The following FYB1 variants were observed in gnomAD, a reference collection of about 807,000 sequenced individuals.
FYB1 encodes FYN binding protein 1, also known as FYN-binding protein 1.
In FYB1, 41 loss-of-function variants were observed where a neutral mutation model predicts 94.1. The observed-to-expected ratio is 0.44, with a 90% CI of 0.34 to 0.57. FYB1 has a LOEUF of 0.57. Among genes scored for constraint, FYB1 ranks in the 20% least tolerant of loss-of-function variants. FYB1 has a pLI of 0.02. For missense variants in FYB1, 1,050 were observed against 976.8 expected (o/e 1.07, Z -1.00); for synonymous variants, 367 against 353.2 (o/e 1.04, Z -0.44).
chr5:39,127,527 T>C (rs1330842909), intron 11 of FYB1, among the ~76,000 whole-genome samples: 2 of 151,976 alleles, frequency 1.3e-5, no homozygotes, highest in African/African-American at 4.8e-5. Flanking sequence ...TTTGCTGTAG[T>C]TATTGAAGTT....
At chr5:39,231,602 C>T (rs1249169126) in intron 1 of FYB1, among the ~76,000 whole-genome samples, 7 of 152,026 alleles carry the variant, frequency 4.6e-5, no homozygotes, top group South Asian at 2.1e-4. Context: ...AAATGCTACT[C>T]GAAGAATGGG....
At chr5:39,261,899 G>A (rs943193167) in intron 1 of FYB1, among the ~76,000 whole-genome samples, 2 of 152,102 alleles carry the variant, frequency 1.3e-5, no homozygotes, top group Non-Finnish European at 2.9e-5. Context: ...AGTGATGGGG[G>A]AAAAGAACAA....
At position 39,202,331 on chromosome 5, in the gene FYB1, A is replaced by G. The variant is rs754951006; in HGVS notation, c.630T>C (p.His210=). ...CATTCTTCATGGGGCTTTCGTCTTCATGGGAGTTCTCGGTACTTAGGGGCG... is the reference window on the plus strand; with the variant it reads ...CATTCTTCATGGGGCTTTCGTCTTCGTGGGAGTTCTCGGTACTTAGGGGCG... The part of the protein sequence containing the change: ...QKPPLSTENS[H]EDESPMKNVS... The change falls in exon 2 of 19, where the codon CAT becomes CAC. Residue 210 remains histidine (H), a synonymous_variant. Transcript: ENST00000512982. 1.2e-6 allele frequency: 2 copies of G among 1,613,610 alleles called. No individual in the cohort carries two copies. Among genetic ancestry groups the G allele is most frequent in the South Asian group, 1.1e-5 (1 of 91,036 alleles).
At chr5:39,234,430 C>A (rs1445859193) in intron 1 of FYB1, among the ~76,000 whole-genome samples, 2 of 151,948 alleles carry the variant, frequency 1.3e-5, no homozygotes, top group Non-Finnish European at 2.9e-5. Context: ...GGAGCTCAGT[C>A]TTTGAAATAC....
chr5:39,225,272 T>A (rs550994178), intron 1 of FYB1, among the ~76,000 whole-genome samples: 1 of 152,332 alleles, frequency 6.6e-6, no homozygotes, highest in South Asian at 2.1e-4. Flanking sequence ...TGTTACAACA[T>A]TTTAATTGAC....
At chr5:39,172,381 G>T (rs192937491) in intron 2 of FYB1, among the ~76,000 whole-genome samples, 1 of 152,186 alleles carries the variant, frequency 6.6e-6, no homozygotes, top group South Asian at 2.1e-4. Context: ...GAGAGGCAGA[G>T]GTTGCAGTGA....
In FYB1 at chr5:39,261,341, C is replaced by CACAG. The variant is rs1579804662; in HGVS notation, c.-28+13061_-28+13062insCTGT. 2.4e-5 allele frequency among the ~76,000 whole-genome samples: 3 copies of CACAG among 126,990 alleles called. No individual in the cohort carries two copies. The East Asian group carries it at 6.8e-4, about 29-fold the overall frequency. 83.3% of individuals were successfully genotyped at this position (126,990 alleles called of 152,430 possible). On this transcript the variant is annotated intron_variant, in intron 1 of 1. Coordinates refer to the FYB1 transcript ENST00000510188. ...AAAAGAACGTGTGTAGATTAAGACA[C>CACAG]ACACACACACACACACACACACACA...
At chr5:39,249,538 T>C (rs1247731311) in intron 1 of FYB1, among the ~76,000 whole-genome samples, 2 of 152,142 alleles carry the variant, frequency 1.3e-5, no homozygotes, top group Non-Finnish European at 2.9e-5. Flanking sequence ...GAAATTTACA[T>C]AATTAGAAAG....
chr5:39,234,896 CG>C (rs944228637), intron 1 of FYB1, among the ~76,000 whole-genome samples: 3 of 151,120 alleles, frequency 2.0e-5, no homozygotes, highest in African/African-American at 4.9e-5. Context: ...GTCAGGGGGT[CG>C]GGGGCAAGGG....
At chr5:39,265,570 T>C (rs1469430074) in intron 1 of FYB1, among the ~76,000 whole-genome samples, 3 of 151,782 alleles carry the variant, frequency 2.0e-5, no homozygotes, top group Non-Finnish European at 2.9e-5. Context: ...GGCAGGAGTA[T>C]GGCTTGAACC....
At chr5:39,184,958 T>C (rs1478020698) in intron 2 of FYB1, among the ~76,000 whole-genome samples, 1 of 152,208 alleles carries the variant, frequency 6.6e-6, no homozygotes, top group Non-Finnish European at 1.5e-5. Context: ...AGCATCAATA[T>C]ACATTCATTC....
chr5:39,250,430 A>T (rs1421225778), intron 1 of FYB1, among the ~76,000 whole-genome samples: 1 of 152,234 alleles, frequency 6.6e-6, no homozygotes, highest in African/African-American at 2.4e-5. Flanking sequence ...CAACATGTTT[A>T]ACAAGATTCC....
chr5:39,167,164 A>C (rs1052449478), intron 2 of FYB1, among the ~76,000 whole-genome samples: 2 of 152,118 alleles, frequency 1.3e-5, no homozygotes, highest in African/African-American at 4.8e-5. Flanking sequence ...AAAAGCCACA[A>C]AGAAGTAGTG....
chr5:39,253,104 G>A (rs372459330), intron 1 of FYB1, among the ~76,000 whole-genome samples: 1 of 152,050 alleles, frequency 6.6e-6, no homozygotes, highest in South Asian at 2.1e-4. Context: ...AAAAGTACAC[G>A]TTTTACTGCT....
In FYB1 at chr5:39,151,479, A is replaced by G. The variant is rs147471795; in HGVS notation, c.1292+1969T>C. ...TAATTTTCAAATGCTTAGTAGAGAC[A>G]GGGTCTCGCTATATTGCCCAGGCTG... is the stretch of plus-strand genomic sequence containing the variant. On this transcript the variant is annotated intron_variant, in intron 3 of 18. Coordinates refer to ENST00000512982, the MANE Select transcript of FYB1 (RefSeq NM_001465.6). Among the ~76,000 whole-genome samples, 288 of 152,254 alleles carry G rather than the reference A, an allele frequency of 1.9e-3. 1 individual carries two copies. The Middle Eastern group carries it at 0.024, about 13-fold the overall frequency.
At chr5:39,250,723 C>T (rs574457688) in intron 1 of FYB1, 1 of 152,108 alleles carries the variant, frequency 6.6e-6, no homozygotes, top group Non-Finnish European at 1.5e-5. Context: ...GAAGGGCGGG[C>T]GAGATCTTAT....
At chr5:39,216,032 A>C (rs1749838227) in intron 1 of FYB1, among the ~76,000 whole-genome samples, 1 of 152,104 alleles carries the variant, frequency 6.6e-6, no homozygotes, top group Non-Finnish European at 1.5e-5. Flanking sequence ...AAGCCATGGA[A>C]TCCCTGGAAC....
rs66997439 is a variant in FYB1 at position 39,226,398 on chromosome 5, TAA to T, written c.-27-23413_-27-23412del. Among the ~76,000 whole-genome samples, 606 of 151,146 alleles carry T rather than the reference TAA, an allele frequency of 4.0e-3. 9 individuals carry two copies. The highest frequency in any genetic ancestry group is 0.032 in the Admixed American group (480 of 15,202). On this transcript the variant is annotated intron_variant, in intron 1 of 1. Transcript: ENST00000510188. The stretch of plus-strand genomic sequence containing the variant: ...GCCTTTCACTAGCTTTCCAAACCTT[TAA>T]AAAAAAAAAAAATCAACTCTTTAAG...
At chr5:39,164,420 G>A (rs1187721276) in intron 2 of FYB1, among the ~76,000 whole-genome samples, 2 of 152,130 alleles carry the variant, frequency 1.3e-5, no homozygotes, top group African/African-American at 2.4e-5. Flanking sequence ...TTTGGGCTAC[G>A]TTCTTTTTTT....
Sources: allele counts gnomAD v4.1 joint callset (sites outside exome capture counted in the v4.1 genomes callset), GRCh38; gene constraint gnomAD v4.1.1; transcripts MANE v1.5; gene names NCBI Gene and HGNC (gene_info 2026-07-23, HGNC 2026-07-21).